The following MRE11 variants were observed in gnomAD, a reference collection of about 807,000 sequenced individuals.
MRE11 encodes MRE11 double strand break repair nuclease.
Under a neutral mutation model 91.7 loss-of-function variants are expected in MRE11, and 62 were observed. The observed-to-expected ratio is 0.68, with a 90% CI of 0.55 to 0.84. The LOEUF (loss-of-function observed/expected upper bound fraction) is 0.84, where lower values mean the gene tolerates loss of function less well. Ranked by LOEUF, MRE11 falls within the 40% of genes least tolerant of loss-of-function variation. The pLI is 0.00. For synonymous variants in MRE11, 273 were observed against 271.4 expected (o/e 1.01, Z -0.06); for missense variants, 796 against 852.9 (o/e 0.93, Z 0.83).
At chr11:94,464,453 C>T (rs913831878) in intron 10 of MRE11, among the ~76,000 whole-genome samples, 5 of 152,084 alleles carry the variant, frequency 3.3e-5, no homozygotes, top group African/African-American at 1.2e-4. Flanking sequence ...ATACTTTGTT[C>T]GATGGAATCA....
chr11:94,446,465 G>T (rs563173683), intron 15 of MRE11, among the ~76,000 whole-genome samples: 1 of 152,084 alleles, frequency 6.6e-6, no homozygotes, highest in Non-Finnish European at 1.5e-5. Flanking sequence ...TTTTGTAAAT[G>T]TAAGAATAGT....
chr11:94,479,181 C>G (rs965429106), intron 5 of MRE11, among the ~76,000 whole-genome samples: 1 of 151,986 alleles, frequency 6.6e-6, no homozygotes, highest in Non-Finnish European at 1.5e-5. Context: ...ATTAAGCAAC[C>G]GTCTTAAAGC....
intron 10 of MRE11, among the ~76,000 whole-genome samples, chr11:94,467,488 C>G (rs1946594619): frequency 6.6e-6 from 1 of 152,020 alleles, no homozygotes; most frequent in African/African-American, 2.4e-5. Flanking sequence ...AAGAGCACAT[C>G]CCACATGCCC....
rs201054129 is a variant in MRE11, at chr11:94,486,017, G to T, written c.221C>A (p.Thr74Asn). The T allele has an allele frequency of 3.1e-6, 5 of 1,613,760 alleles. No homozygotes were observed. In the Admixed American group the frequency reaches 6.7e-5, roughly 22 times the overall value. The change falls in exon 4 of 20, where the codon ACC becomes AAC. Residue 74 changes from threonine (T) to asparagine (N), a missense_variant. Physicochemically the swap from Thr to Asn is moderately conservative, Grantham distance 65 (BLOSUM62 0). Coordinates refer to ENST00000323929, the MANE Select transcript of MRE11 (RefSeq NM_005591.4). ...ATATTTTCTTAATAACTCGAGGCAGGTATGTAATGTTTTCCTTGAGGGCTT... is the reference window on the plus strand; with the variant it reads ...ATATTTTCTTAATAACTCGAGGCAGTTATGTAATGTTTTCCTTGAGGGCTT... ...ENKPSRKTLH[T>N]CLELLRKYCM...
chr11:94,439,255 A>T (rs971275797), intron 16 of MRE11, among the ~76,000 whole-genome samples: 1 of 152,164 alleles, frequency 6.6e-6, no homozygotes, highest in Non-Finnish European at 1.5e-5. Flanking sequence ...TATAGTTACT[A>T]CTTCACAGGT....
intron 6 of MRE11, among the ~76,000 whole-genome samples, chr11:94,477,711 C>T (rs776836857): frequency 6.6e-6 from 1 of 152,100 alleles, no homozygotes; most frequent in Non-Finnish European, 1.5e-5. Context: ...TGTTGAAACA[C>T]TAAAAACACT....
At chr11:94,424,135 G>A (rs521669) in intron 19 of MRE11, among the ~76,000 whole-genome samples, 35,931 of 152,070 alleles carry the variant, frequency 0.24, 4,434 homozygotes, top group East Asian at 0.32. Context: ...CACAGAGCAC[G>A]GCTGTGAACA....
chr11:94,498,239 A>T (rs1233492903), upstream of MRE11: 6 of 1,613,986 alleles, frequency 3.7e-6, no homozygotes, highest in Admixed American at 1.0e-4. Context: ...GGATGGCTGG[A>T]CGCCCCTGCA....
intron 16 of MRE11, 131 bp from the exon 17 acceptor site, chr11:94,437,366 T>C: frequency 1.3e-6 from 1 of 755,184 alleles, no homozygotes; most frequent in South Asian, 1.9e-5. Flanking sequence ...ATAAAACTAT[T>C]TGATATTTTT....
chr11:94,497,368 A>C (rs1400012030), upstream of MRE11: 1 of 268,272 alleles, frequency 3.7e-6, no homozygotes, highest in African/African-American at 2.2e-5. Flanking sequence ...TTTGCCCAGG[A>C]TCATCGAAGT....
At chr11:94,435,990 T>C (rs1945600545) in intron 17 of MRE11, 91 bp from the exon 18 acceptor site, 1 of 1,168,012 alleles carries the variant, frequency 8.6e-7, no homozygotes, top group South Asian at 1.2e-5. Flanking sequence ...GATTAAATCT[T>C]AAGTTATATA....
intron 18 of MRE11, among the ~76,000 whole-genome samples, chr11:94,430,574 A>G (rs1008298130): frequency 1.3e-5 from 2 of 150,474 alleles, no homozygotes; most frequent in Admixed American, 1.3e-4. Context: ...TCCACCTCCC[A>G]GTTCAAGCGA....
chr11:94,507,596 C>T, the MRE11 span, among the ~76,000 whole-genome samples: 3 of 152,140 alleles, frequency 2.0e-5, no homozygotes, highest in South Asian at 4.1e-4. Flanking sequence ...CAGAAGTGAA[C>T]GTTCCGATTG....
intron 19 of MRE11, among the ~76,000 whole-genome samples, chr11:94,426,637 T>C (rs910707938): frequency 6.6e-6 from 1 of 151,786 alleles, no homozygotes; most frequent in African/African-American, 2.4e-5. Context: ...TTTAAAATAA[T>C]AAACAAAATT....
intron 14 of MRE11, among the ~76,000 whole-genome samples, chr11:94,451,704 C>A (rs1457272593): frequency 1.3e-5 from 2 of 151,970 alleles, no homozygotes; most frequent in South Asian, 2.1e-4. Flanking sequence ...AAAGAAAAAA[C>A]CCAAATGTAT....
At chr11:94,438,042 C>A (rs953034103) in intron 16 of MRE11, among the ~76,000 whole-genome samples, 1 of 152,056 alleles carries the variant, frequency 6.6e-6, no homozygotes, top group Non-Finnish European at 1.5e-5. Context: ...GCAGGAGAAT[C>A]GCTTGAACCC....
chr11:94,496,964 A>G, upstream of MRE11: 1 of 1,612,210 alleles, frequency 6.2e-7, no homozygotes, highest in Non-Finnish European at 8.5e-7. Context: ...AAAAAAAAAA[A>G]TTACAGAGGG....
At chr11:94,423,061 C>T (rs530063146) in intron 19 of MRE11, among the ~76,000 whole-genome samples, 1 of 152,144 alleles carries the variant, frequency 6.6e-6, no homozygotes, top group Admixed American at 6.5e-5. Flanking sequence ...ACAAGATGGC[C>T]AACTAGACAG....
intron 14 of MRE11, among the ~76,000 whole-genome samples, chr11:94,448,519 C>A (rs1442758767): frequency 6.6e-6 from 1 of 151,868 alleles, no homozygotes; most frequent in Non-Finnish European, 1.5e-5. Context: ...ATCGCTCAAG[C>A]CTGGGGGAAG....
Sources: gnomAD v4.1 joint callset for allele counts (sites outside exome capture counted in the v4.1 genomes callset) on GRCh38, gnomAD v4.1.1 for gene constraint, MANE v1.5 for transcripts, NCBI Gene and HGNC (gene_info 2026-07-23, HGNC 2026-07-21) for gene names.